The following GRIP1 variants were observed in gnomAD, a reference collection of about 807,000 sequenced individuals.
GRIP1 encodes glutamate receptor interacting protein 1, also known as glutamate receptor-interacting protein 1.
GRIP1 carries 45 observed loss-of-function variants against 129.9 expected under a neutral mutation model. The observed-to-expected ratio is 0.35, with a 90% CI of 0.27 to 0.44. GRIP1 has a LOEUF of 0.44. Among genes scored for constraint, GRIP1 ranks in the 20% least tolerant of loss-of-function variants. GRIP1 has a pLI of 1.00. For missense variants in GRIP1, 1,196 were observed against 1,396.8 expected, an observed-to-expected ratio of 0.86 and a Z score of 2.29; for synonymous variants, 530 against 520.8, an observed-to-expected ratio of 1.02 and a Z score of -0.24.
chr12:66,828,526 T>C (rs1279149191), intron 1 of GRIP1, among the ~76,000 whole-genome samples: 1 of 152,212 alleles, frequency 6.6e-6, no homozygotes, highest in African/African-American at 2.4e-5. Flanking sequence ...TTTAGAAAAG[T>C]AAAAATAGAA....
At chr12:66,757,298 T>C (rs1029720480) in intron 1 of GRIP1, among the ~76,000 whole-genome samples, 12 of 152,170 alleles carry the variant, frequency 7.9e-5, no homozygotes, top group African/African-American at 2.9e-4. Flanking sequence ...ATTGTTTTCA[T>C]TTTTAGCACC....
At chr12:66,674,625 T>C (rs777575886) in intron 1 of GRIP1, among the ~76,000 whole-genome samples, 2 of 152,130 alleles carry the variant, frequency 1.3e-5, no homozygotes, top group Non-Finnish European at 2.9e-5. Context: ...GAGAATAAGA[T>C]TACTGGTTGT....
chr12:66,352,866 G>C (rs1181948367), intron 24 of GRIP1, among the ~76,000 whole-genome samples: 1 of 152,156 alleles, frequency 6.6e-6, no homozygotes, highest in Non-Finnish European at 1.5e-5. Context: ...TTGGGAGGCC[G>C]AGGCAGGAGA....
At chr12:66,858,361 T>C (rs2040043488) in intron 1 of GRIP1, among the ~76,000 whole-genome samples, 1 of 152,016 alleles carries the variant, frequency 6.6e-6, no homozygotes, top group Non-Finnish European at 1.5e-5. Flanking sequence ...ACTCAGTTTT[T>C]ATGCTTAAGA....
At chr12:66,805,600 CAA>C (rs2038974129), upstream of GRIP1, among the ~76,000 whole-genome samples, 1 of 152,294 alleles carries the variant, frequency 6.6e-6, no homozygotes, top group African/African-American at 2.4e-5. Context: ...TGTGTAATGT[CAA>C]GTTTGTAGGA....
At chr12:66,484,572 C>T (rs181116251) in intron 7 of GRIP1, among the ~76,000 whole-genome samples, 3 of 152,092 alleles carry the variant, frequency 2.0e-5, no homozygotes, top group South Asian at 2.1e-4. Context: ...AAGTATGCCA[C>T]GCACAGAAAG....
At chr12:66,811,818 T>G (rs1266338627) in intron 1 of GRIP1, among the ~76,000 whole-genome samples, 2 of 152,236 alleles carry the variant, frequency 1.3e-5, no homozygotes, top group Non-Finnish European at 1.5e-5. Flanking sequence ...ATTTATTCAT[T>G]TGGCTACAGG....
intron 1 of GRIP1, among the ~76,000 whole-genome samples, chr12:66,843,218 A>G (rs759488089): frequency 7.2e-5 from 11 of 152,126 alleles, no homozygotes; most frequent in Admixed American, 1.3e-4. Context: ...TAACATCAAG[A>G]AGAATAAAAT....
chr12:66,656,006 C>T (rs1387503426), intron 1 of GRIP1, among the ~76,000 whole-genome samples: 7 of 152,092 alleles, frequency 4.6e-5, no homozygotes, highest in African/African-American at 1.7e-4. Flanking sequence ...AGGTGAAGGA[C>T]TGGAACTGTA....
intron 11 of GRIP1, among the ~76,000 whole-genome samples, chr12:66,447,159 C>T (rs2058653211): frequency 1.3e-5 from 2 of 152,196 alleles, no homozygotes; most frequent in South Asian, 4.1e-4. Context: ...CCATTGTCTT[C>T]GCCCACTGGC....
At position 66,348,520 on chromosome 12, in the gene GRIP1, T is replaced by C. The variant is rs572566894; in HGVS notation, c.*499A>G. The C allele has an allele frequency of 6.2e-4, 106 of 170,954 alleles. 3 individuals carry two copies. The South Asian group carries it at 0.015, about 24-fold the overall frequency. 10.6% of individuals were successfully genotyped at this position (170,954 alleles called of 1,614,324 possible). A position where few individuals can be genotyped will look rare whatever the true frequency, so the allele number is the denominator to read the frequency against. ...TAACTTAATTTTATACCTGTACCCC[T>C]CCCATTGTGGTAGTCCCAGCAGTTT... On this transcript the variant is annotated 3_prime_UTR_variant, in exon 25 of 25. Transcript: ENST00000359742.
At chr12:66,353,303 T>C in intron 24 of GRIP1, 114 bp downstream of exon 24, 1 of 802,526 alleles carries the variant, frequency 1.2e-6, no homozygotes, top group Non-Finnish European at 2.2e-6. Flanking sequence ...ATAATCTTGA[T>C]GACAAAGGCT....
chr12:66,519,359 T>C (rs2060936447), intron 5 of GRIP1, among the ~76,000 whole-genome samples: 1 of 152,244 alleles, frequency 6.6e-6, no homozygotes, highest in African/African-American at 2.4e-5. Context: ...TTTTAAATGT[T>C]ACCACAAATG....
chr12:66,647,444 C>CT (rs1263830024), intron 1 of GRIP1: 2 of 152,158 alleles, frequency 1.3e-5, no homozygotes, highest in Admixed American at 6.5e-5. Context: ...TACACAGAAG[C>CT]TTTTGAGAAT....
chr12:66,405,900 G>A (rs1253984143), intron 16 of GRIP1, among the ~76,000 whole-genome samples: 1 of 152,060 alleles, frequency 6.6e-6, no homozygotes, highest in Admixed American at 6.6e-5. Context: ...TTTATAAAAC[G>A]ATCAAATGTT....
At chr12:66,812,243 C>CGG (rs1332742905) in intron 1 of GRIP1, among the ~76,000 whole-genome samples, 5 of 152,186 alleles carry the variant, frequency 3.3e-5, no homozygotes, top group Non-Finnish European at 7.3e-5. Flanking sequence ...AAGCAATTCT[C>CGG]CAGCCTCAGC....
chr12:66,877,679 CA>C (rs1179844962), intron 1 of GRIP1, among the ~76,000 whole-genome samples: 1 of 151,984 alleles, frequency 6.6e-6, no homozygotes, highest in African/African-American at 2.4e-5. Context: ...AATGTCTTTC[CA>C]AGTCTGTGAG....
At chr12:66,694,486 T>G (rs2035085405) in intron 1 of GRIP1, among the ~76,000 whole-genome samples, 1 of 152,164 alleles carries the variant, frequency 6.6e-6, no homozygotes, top group South Asian at 2.1e-4. Flanking sequence ...TCTTGGCAGA[T>G]GGGCACAGTG....
chr12:66,550,811 T>G (rs1373091165), intron 2 of GRIP1, among the ~76,000 whole-genome samples: 1 of 152,144 alleles, frequency 6.6e-6, no homozygotes, highest in Admixed American at 6.6e-5. Context: ...AAACAGGAAA[T>G]GGCTCACCTC....
Sources: gnomAD v4.1 joint callset for allele counts (sites outside exome capture counted in the v4.1 genomes callset) on GRCh38, gnomAD v4.1.1 for gene constraint, MANE v1.5 for transcripts, NCBI Gene and HGNC (gene_info 2026-07-23, HGNC 2026-07-21) for gene names.